Variants in KIAA1549 observed in about 807,000 individuals in gnomAD.
KIAA1549 encodes the protein UPF0606 protein KIAA1549.
KIAA1549 carries 70 observed loss-of-function variants against 156.4 expected under a neutral mutation model. The ratio of observed to expected loss-of-function variants is 0.45; its 90% CI spans 0.37 to 0.55. KIAA1549 has a LOEUF of 0.55. Among genes scored for constraint, KIAA1549 ranks in the 20% least tolerant of loss-of-function variants. The pLI is 0.00. For synonymous variants in KIAA1549, 1,103 were observed against 1,066.4 expected (o/e 1.03, Z -0.67); for missense variants, 2,428 against 2,540.9 (o/e 0.96, Z 0.96).
intron 17 of KIAA1549, among the ~76,000 whole-genome samples, chr7:138,848,145 T>G (rs1323800529): frequency 2.0e-5 from 3 of 152,260 alleles, no homozygotes; most frequent in Non-Finnish European, 4.4e-5. Flanking sequence ...TTACATCATC[T>G]GTGAATAATA....
rs550543314 is a variant in KIAA1549 at position 138,856,118 on chromosome 7, G to A, written c.5248-3849C>T. Among the ~76,000 whole-genome samples, 129 of 149,990 alleles carry A rather than the reference G, an allele frequency of 8.6e-4. 1 individual carries two copies. The highest frequency in any genetic ancestry group is 3.5e-3 in the Middle Eastern group (1 of 288). On this transcript the variant is annotated intron_variant, in intron 16 of 19. Coordinates refer to ENST00000422774, the MANE Select transcript of KIAA1549 (RefSeq NM_001164665.2). ...ACTATCTCAGCTCACTGCAAGCTCC[G>A]CCTCCCGGGTTCACGCCATTCTCCT...
chr7:138,918,541 A>G lies in KIAA1549; in HGVS notation c.1085T>C (p.Leu362Pro), dbSNP rs1205554609. Residue 362 changes from leucine to proline, a missense_variant, in exon 2 of 20, where the codon CTT becomes CCT. Leu to Pro is a moderately conservative substitution (Grantham distance 98). Transcript: ENST00000422774. This position sits in a 1 kb window ranked among gnomAD's most constrained non-coding sequence, Gnocchi z 4.2. Reference sequence around the variant, plus strand: ...GGACGCAAATGCAAGAGGAGTTGAAAGCAATGGAGAATGTGTCCTGCTGAA... The same window carrying G: ...GGACGCAAATGCAAGAGGAGTTGAAGGCAATGGAGAATGTGTCCTGCTGAA... ...LAFSRTHSPL[L>P]STPLAFASSA... 6.2e-7 allele frequency: 1 copy of G among 1,613,944 alleles called. No homozygotes were observed. The highest frequency in any genetic ancestry group is 8.5e-7 in the Non-Finnish European group (1 of 1,179,914).
intron 10 of KIAA1549, among the ~76,000 whole-genome samples, chr7:138,885,148 T>A (rs1336623662): frequency 6.6e-6 from 1 of 152,116 alleles, no homozygotes; most frequent in Admixed American, 6.5e-5. Flanking sequence ...TGAGCTGAGA[T>A]CGAACCGTTG....
At chr7:138,877,490 T>C (rs555874139) in intron 12 of KIAA1549, among the ~76,000 whole-genome samples, 1 of 152,168 alleles carries the variant, frequency 6.6e-6, no homozygotes, top group Non-Finnish European at 1.5e-5. Flanking sequence ...AGAGACTCTG[T>C]CTCAAAAAGC....
chr7:138,875,699 GAA>G (rs1185539096), intron 12 of KIAA1549, among the ~76,000 whole-genome samples: 1 of 152,184 alleles, frequency 6.6e-6, no homozygotes, highest in African/African-American at 2.4e-5. Context: ...AAAGCAGAAT[GAA>G]AGAGAATAGT....
chr7:138,867,472 T>C (rs927448744), intron 15 of KIAA1549, among the ~76,000 whole-genome samples: 15 of 151,866 alleles, frequency 9.9e-5, no homozygotes, highest in African/African-American at 3.4e-4. Context: ...GGAAAATTAC[T>C]TGAGCCCAGG....
At chr7:138,861,480 A>G in intron 15 of KIAA1549, 24 bp from the exon 16 acceptor site, 2 of 1,577,840 alleles carry the variant, frequency 1.3e-6, no homozygotes, top group East Asian at 2.3e-5. Context: ...TGGCAAAGGA[A>G]GAATCACACA....
chr7:138,930,766 G>A (rs1449415479), intron 1 of KIAA1549, among the ~76,000 whole-genome samples: 1 of 152,212 alleles, frequency 6.6e-6, no homozygotes, highest in African/African-American at 2.4e-5. Flanking sequence ...CAACAAGGCT[G>A]TTTTGCTTTC....
chr7:138,881,544 T>C lies in KIAA1549; in HGVS notation c.4073A>G (p.Gln1358Arg). 1 of 1,613,834 alleles carries C rather than the reference T, an allele frequency of 6.2e-7. No individual in the cohort carries two copies. The highest frequency in any genetic ancestry group is 8.5e-7 in the Non-Finnish European group (1 of 1,179,804). ...PSVKGFDFAK[Q>R]HLGQHNKDDI... ...GTCTTTATTGTGCTGACCCAGATGCTGCTTAGCAAAATCGAAGCCCTTCAC... is the reference window on the plus strand; with the variant it reads ...GTCTTTATTGTGCTGACCCAGATGCCGCTTAGCAAAATCGAAGCCCTTCAC... Residue 1358 changes from glutamine to arginine, a missense_variant, in exon 11 of 20, where the codon CAG (glutamine) becomes CGG (arginine). By Grantham distance (43) the Gln-to-Arg change is conservative (BLOSUM62 1). Transcript: ENST00000422774.
chr7:138,932,939 G>A lies in KIAA1549; in HGVS notation c.188-13501C>T, dbSNP rs149441101. Among the ~76,000 whole-genome samples the A allele has an allele frequency of 2.9e-3, 443 of 152,302 alleles. 4 individuals are homozygous for A. Among genetic ancestry groups the A allele is most frequent in the African/African-American group, 0.01 (434 of 41,562 alleles). On this transcript the variant is annotated intron_variant, in intron 1 of 19. Coordinates refer to ENST00000422774, the MANE Select transcript of KIAA1549 (RefSeq NM_001164665.2). ...GAGCCTGAGATAAACCTGCAAACGT[G>A]AAGAGGAGAAGCCAGGGAGACATGG...
intron 10 of KIAA1549, among the ~76,000 whole-genome samples, chr7:138,891,979 T>C (rs1337090994): frequency 1.3e-5 from 2 of 152,242 alleles, no homozygotes; most frequent in East Asian, 1.9e-4. Context: ...GGTGGGTTCC[T>C]GTGCCAGCAA....
At chr7:138,873,590 G>A (rs1810995964) in intron 12 of KIAA1549, among the ~76,000 whole-genome samples, 1 of 142,832 alleles carries the variant, frequency 7.0e-6, no homozygotes, top group South Asian at 2.2e-4. Flanking sequence ...AGACAAAGGT[G>A]ACAGGCATTA....
rs1436532251 is a variant in KIAA1549 at position 138,831,519 on chromosome 7, T to A, written c.*6387A>T. On this transcript the variant is annotated 3_prime_UTR_variant, in exon 20 of 20. Coordinates refer to ENST00000422774, the MANE Select transcript of KIAA1549 (RefSeq NM_001164665.2). ...AGCACATTAGAAAACAGTGCAGCTA[T>A]TGAAGGATAGAAACATAAAACCGAC... 1 of 219,318 alleles carries A rather than the reference T, an allele frequency of 4.6e-6. No homozygotes were observed. Among genetic ancestry groups the A allele is most frequent in the Non-Finnish European group, 9.1e-6 (1 of 109,364 alleles). 13.6% of individuals were successfully genotyped at this position (219,318 alleles called of 1,614,324 possible). A position where few individuals can be genotyped will look rare whatever the true frequency, so the allele number is the denominator to read the frequency against.
Position 138,901,698 on chromosome 7 carries a change from T to G in KIAA1549, c.3669+1890A>C, listed in dbSNP as rs1314760576. Among the ~76,000 whole-genome samples the G allele has an allele frequency of 2.6e-5, 4 of 152,202 alleles. No individual in the cohort carries two copies. The East Asian group carries it at 7.7e-4, about 29-fold the overall frequency. On this transcript the variant is annotated intron_variant, in intron 8 of 19. Transcript: ENST00000422774. ...GCATAAAATTCCAACACATAAAGAT[T>G]TACTATAATTTTATTTACCCATTCC...
intron 2 of KIAA1549, among the ~76,000 whole-genome samples, chr7:138,914,820 T>C (rs1350349440): frequency 6.6e-6 from 1 of 152,162 alleles, no homozygotes; most frequent in Non-Finnish European, 1.5e-5. Context: ...AATACATGGA[T>C]ACCTAATACA....
At chr7:138,855,575 A>G (rs920516470) in intron 16 of KIAA1549, among the ~76,000 whole-genome samples, 2 of 152,212 alleles carry the variant, frequency 1.3e-5, no homozygotes, top group Non-Finnish European at 2.9e-5. Context: ...CACCTGGTCT[A>G]TCATTTCAAC....
intron 12 of KIAA1549, among the ~76,000 whole-genome samples, chr7:138,874,949 T>C (rs894945336): frequency 3.3e-5 from 5 of 152,052 alleles, no homozygotes; most frequent in Admixed American, 2.6e-4. Context: ...GAGCCATGAC[T>C]GCACCACTGC....
chr7:138,923,458 G>A (rs1812620787), intron 1 of KIAA1549, among the ~76,000 whole-genome samples: 2 of 152,096 alleles, frequency 1.3e-5, no homozygotes, highest in African/African-American at 4.8e-5. Context: ...AAATTTGCTG[G>A]GTGTGGTGGC....
chr7:138,957,535 CG>C (rs1813704065), intron 1 of KIAA1549, among the ~76,000 whole-genome samples: 1 of 149,826 alleles, frequency 6.7e-6, no homozygotes, highest in Admixed American at 6.7e-5. Context: ...TGGAGCACAG[CG>C]GCATGGTCTC....
Sources: gnomAD v4.1 joint callset for allele counts (sites outside exome capture counted in the v4.1 genomes callset) on GRCh38, gnomAD v4.1.1 for gene constraint, Gnocchi (gnomAD v3.1) non-coding constraint, MANE v1.5 for transcripts, NCBI Gene and HGNC (gene_info 2026-07-23, HGNC 2026-07-21) for gene names.